The following LRRC8C variants were observed in gnomAD, a reference collection of about 807,000 sequenced individuals.
LRRC8C encodes the protein leucine rich repeat containing 8 VRAC subunit C, also known as volume-regulated anion channel subunit LRRC8C.
LRRC8C carries 20 observed loss-of-function variants against 55.3 expected under a neutral mutation model. The observed-to-expected ratio is 0.36, with a 90% CI of 0.25 to 0.53. The LOEUF (loss-of-function observed/expected upper bound fraction) is 0.53. Ranked by LOEUF, LRRC8C falls within the 20% of genes least tolerant of loss-of-function variation. The probability of loss-of-function intolerance (pLI) is 0.92; values close to 1 mark genes in which losing one functional copy is unlikely to be tolerated. For missense variants in LRRC8C, 659 were observed against 951.4 expected, an observed-to-expected ratio of 0.69 and a Z score of 4.04; for synonymous variants, 376 against 360.7, an observed-to-expected ratio of 1.04 and a Z score of -0.48.
At chr1:89,689,841 T>A (rs1401659507) in intron 2 of LRRC8C, among the ~76,000 whole-genome samples, 1 of 151,782 alleles carries the variant, frequency 6.6e-6, no homozygotes, top group Non-Finnish European at 1.5e-5. Flanking sequence ...CTCGGGAGGC[T>A]GGGGCAGGAG....
At chr1:89,709,739 TG>T (rs1658590283) in intron 2 of LRRC8C, among the ~76,000 whole-genome samples, 1 of 103,148 alleles carries the variant, frequency 9.7e-6, no homozygotes, top group Non-Finnish European at 2.0e-5. Context: ...TTTTTGTGTG[TG>T]GTTTTTTTTT....
At chr1:89,687,255 A>G (rs1310177290) in intron 2 of LRRC8C, among the ~76,000 whole-genome samples, 2 of 152,262 alleles carry the variant, frequency 1.3e-5, no homozygotes, top group South Asian at 2.1e-4. Context: ...AGAGGTGTCC[A>G]TAAGGCACTA....
chr1:89,687,075 A>C (rs4501825), intron 2 of LRRC8C, among the ~76,000 whole-genome samples: 2,971 of 152,344 alleles, frequency 0.02, 38 homozygotes, highest in Non-Finnish European at 0.028. Context: ...AAAGAACCCA[A>C]TAAAAATTTA....
At chr1:89,644,365 A>G (rs986728376) in intron 1 of LRRC8C, among the ~76,000 whole-genome samples, 3 of 152,150 alleles carry the variant, frequency 2.0e-5, no homozygotes, top group African/African-American at 7.2e-5. Flanking sequence ...TAGTAGAGAC[A>G]GGGTTTTACC....
At chr1:89,687,898 A>G (rs947191959) in intron 2 of LRRC8C, among the ~76,000 whole-genome samples, 14 of 152,232 alleles carry the variant, frequency 9.2e-5, no homozygotes, top group African/African-American at 2.7e-4. Context: ...AAAATAAAGT[A>G]CTTTTAAAAG....
At chr1:89,695,026 A>G (rs1658134467) in intron 2 of LRRC8C, among the ~76,000 whole-genome samples, 1 of 150,594 alleles carries the variant, frequency 6.6e-6, no homozygotes, top group Non-Finnish European at 1.5e-5. Context: ...GGTTCAAGCA[A>G]TTCACCTGCC....
chr1:89,695,571 A>T (rs895510056), intron 2 of LRRC8C, among the ~76,000 whole-genome samples: 9 of 152,234 alleles, frequency 5.9e-5, no homozygotes, highest in Admixed American at 2.0e-4. Context: ...ACTTGTATGC[A>T]TGATTATATC....
chr1:89,710,542 A>G (rs1658622714), intron 2 of LRRC8C, among the ~76,000 whole-genome samples: 1 of 152,390 alleles, frequency 6.6e-6, no homozygotes, highest in South Asian at 2.1e-4. Flanking sequence ...AAGTAATAGA[A>G]ATGTTTGAAG....
intron 2 of LRRC8C, among the ~76,000 whole-genome samples, chr1:89,695,473 T>C (rs929758894): frequency 6.6e-6 from 1 of 152,228 alleles, no homozygotes; most frequent in African/African-American, 2.4e-5. Flanking sequence ...AGGATGTTGA[T>C]GTTAAATGTT....
chr1:89,691,627 C>T (rs1223765049), intron 2 of LRRC8C, among the ~76,000 whole-genome samples: 1 of 152,124 alleles, frequency 6.6e-6, no homozygotes, highest in Non-Finnish European at 1.5e-5. Flanking sequence ...TAGATTAGTC[C>T]CATTTTTCAG....
chr1:89,615,959 G>A, the LRRC8C span, among the ~76,000 whole-genome samples: 13 of 152,134 alleles, frequency 8.5e-5, no homozygotes, highest in Admixed American at 8.5e-4. Flanking sequence ...TCAGCTGAAG[G>A]TGTTTGCTAG....
chr1:89,648,362 A>G (rs1656669262), intron 1 of LRRC8C, among the ~76,000 whole-genome samples: 1 of 152,218 alleles, frequency 6.6e-6, no homozygotes, highest in South Asian at 2.1e-4. Flanking sequence ...AACATTGCCT[A>G]AAATTTACAA....
intron 1 of LRRC8C, among the ~76,000 whole-genome samples, chr1:89,652,098 CA>C (rs1347865889): frequency 2.0e-5 from 3 of 152,000 alleles, no homozygotes. Flanking sequence ...TGCTGGGGTG[CA>C]GTAAAAGAAA....
At chr1:89,690,186 C>T (rs1048816699) in intron 2 of LRRC8C, among the ~76,000 whole-genome samples, 1 of 152,034 alleles carries the variant, frequency 6.6e-6, no homozygotes, top group Non-Finnish European at 1.5e-5. Context: ...AGGCATCATC[C>T]ACCAGAATGG....
chr1:89,649,200 C>A (rs1426693489), intron 1 of LRRC8C, among the ~76,000 whole-genome samples: 2 of 152,298 alleles, frequency 1.3e-5, no homozygotes, highest in South Asian at 4.1e-4. Flanking sequence ...CATGCTAAGG[C>A]ATTTAACTGT....
intron 2 of LRRC8C, among the ~76,000 whole-genome samples, chr1:89,705,479 T>TA (rs200343306): frequency 0.012 from 1,818 of 151,176 alleles, 16 homozygotes; most frequent in Non-Finnish European, 0.018. Context: ...TAAAATAAAA[T>TA]AAATAAATAA....
chr1:89,703,547 TAAA>T (rs75382206), intron 2 of LRRC8C, among the ~76,000 whole-genome samples: 6 of 126,708 alleles, frequency 4.7e-5, no homozygotes, highest in African/African-American at 1.2e-4. Flanking sequence ...GTACAGATTG[TAAA>T]AAAAAAAAAA....
At chr1:89,654,935 T>C (rs1475703551) in intron 1 of LRRC8C, among the ~76,000 whole-genome samples, 1 of 146,762 alleles carries the variant, frequency 6.8e-6, no homozygotes, top group Non-Finnish European at 1.5e-5. Context: ...TTTGAACTCC[T>C]AGGCCCAAGT....
intron 1 of LRRC8C, among the ~76,000 whole-genome samples, chr1:89,633,917 A>G (rs1459434849): frequency 6.6e-6 from 1 of 152,208 alleles, no homozygotes; most frequent in Non-Finnish European, 1.5e-5. Context: ...GGTTGAGGCC[A>G]AAACCGCTGC....
Sources: allele counts gnomAD v4.1 joint callset (sites outside exome capture counted in the v4.1 genomes callset), GRCh38; gene constraint gnomAD v4.1.1; transcripts MANE v1.5; gene names NCBI Gene and HGNC (gene_info 2026-07-23, HGNC 2026-07-21).